The following USP12 variants were observed in gnomAD, a reference collection of about 807,000 sequenced individuals.
The protein encoded by USP12 is ubiquitin specific peptidase 12, also known as ubiquitin carboxyl-terminal hydrolase 12.
In USP12, 19 loss-of-function variants were observed where a neutral mutation model predicts 45.5. That is an observed-to-expected ratio of 0.42 (90% CI 0.29 to 0.61). The LOEUF (loss-of-function observed/expected upper bound fraction) is 0.61, where lower values mean the gene tolerates loss of function less well. Among genes scored for constraint, USP12 ranks in the 20% least tolerant of loss-of-function variants. The pLI is 0.22. For missense variants in USP12, 242 were observed against 447.7 expected (o/e 0.54, Z 4.15); for synonymous variants, 149 against 148.8 (o/e 1.00, Z -0.01).
At chr13:27,136,885 A>G (rs1363819939) in intron 1 of USP12, among the ~76,000 whole-genome samples, 2 of 152,224 alleles carry the variant, frequency 1.3e-5, no homozygotes, top group Admixed American at 6.5e-5. Flanking sequence ...TAGAGGGAGT[A>G]AAAAAGACAC....
intron 1 of USP12, chr13:27,169,965 AC>A: frequency 5.1e-6 from 1 of 194,206 alleles, no homozygotes; most frequent in Non-Finnish European, 1.0e-5. Flanking sequence ...ATGAACTATG[AC>A]CCATACAATG....
intron 1 of USP12, among the ~76,000 whole-genome samples, chr13:27,161,499 C>T (rs775965662): frequency 2.0e-5 from 3 of 151,972 alleles, no homozygotes; most frequent in Admixed American, 6.5e-5. Flanking sequence ...TAGACCAATA[C>T]TGTAGAAATA....
rs1399070079 is a variant in USP12, at chr13:27,143,084, TC to T, written c.49-26489del. 6.8e-5 allele frequency among the ~76,000 whole-genome samples: 8 copies of T among 118,084 alleles called. No individual in the cohort carries two copies. In the East Asian group the frequency reaches 1.4e-3, roughly 21 times the overall value. 77.5% of individuals were successfully genotyped at this position (118,084 alleles called of 152,430 possible). A position where few individuals can be genotyped will look rare whatever the true frequency, so the allele number is the denominator to read the frequency against. The stretch of plus-strand genomic sequence containing the variant: ...CTCTAGCCTGGCAACAGAGTGAGAC[TC>T]CGTCTCAAAAAAAGAAAAAAAAAAA... On this transcript the variant is annotated intron_variant, in intron 1 of 8. Coordinates refer to ENST00000282344, the MANE Select transcript of USP12 (RefSeq NM_182488.4).
Position 27,143,366 on chromosome 13 carries a change from T to C in USP12, c.49-26770A>G, listed in dbSNP as rs191804743. Among the ~76,000 whole-genome samples, 7 of 152,316 alleles carry C rather than the reference T, an allele frequency of 4.6e-5. No individual in the cohort carries two copies. The East Asian group carries it at 1.4e-3, about 29-fold the overall frequency. ...AAACTGGCAACTAAAGACTTCATTA[T>C]CTACTTTGTCTTTTCTGAAGAAACA... On this transcript the variant is annotated intron_variant, in intron 1 of 8. Transcript: ENST00000282344.
intron 1 of USP12, among the ~76,000 whole-genome samples, chr13:27,131,499 C>T (rs952979938): frequency 6.6e-6 from 1 of 152,132 alleles, no homozygotes; most frequent in African/African-American, 2.4e-5. Flanking sequence ...ATCATTTTAC[C>T]AAAGTGAGCA....
intron 3 of USP12, among the ~76,000 whole-genome samples, chr13:27,099,699 C>T (rs1418364506): frequency 4.0e-5 from 6 of 151,898 alleles, no homozygotes; most frequent in Middle Eastern, 3.4e-3. Flanking sequence ...TTTTTTTTCA[C>T]GTTCATTATT....
At chr13:27,116,428 A>AT in intron 2 of USP12, 88 bp downstream of exon 2, 1 of 1,212,346 alleles carries the variant, frequency 8.2e-7, no homozygotes, top group Non-Finnish European at 1.1e-6. Context: ...GAAAAGAACA[A>AT]TTTTCCTTTA....
chr13:27,129,960 T>C lies in USP12; in HGVS notation c.49-13364A>G, dbSNP rs1876417502. ...AGGGTTAGTCCTTCCACCAAAACCA[T>C]TAAGCTGAAAAATACATCAGAATCA... On this transcript the variant is annotated intron_variant, in intron 1 of 8. Transcript: ENST00000282344. This position sits in a 1 kb window ranked among gnomAD's most constrained non-coding sequence, Gnocchi z 4.0. 6.6e-6 allele frequency among the ~76,000 whole-genome samples: 1 copy of C among 152,080 alleles called. No individual in the cohort carries two copies. The highest frequency in any genetic ancestry group is 2.4e-5 in the African/African-American group (1 of 41,404).
intron 1 of USP12, among the ~76,000 whole-genome samples, chr13:27,137,846 TC>T (rs370646626): frequency 7.6e-4 from 116 of 152,280 alleles, no homozygotes; most frequent in African/African-American, 2.6e-3. Flanking sequence ...GCTCCCTGAC[TC>T]CCTCATTGGC....
intron 2 of USP12, among the ~76,000 whole-genome samples, chr13:27,113,261 CAAAAACAAAA>C (rs961816224): frequency 2.6e-5 from 4 of 151,994 alleles, no homozygotes; most frequent in African/African-American, 9.6e-5. Flanking sequence ...TTTCTCAAAA[CAAAAACAAAA>C]ACAAACAAAC....
chr13:27,086,174 TAAAAAAAAAAAAA>T (rs138475761), intron 6 of USP12, among the ~76,000 whole-genome samples: 60 of 72,348 alleles, frequency 8.3e-4, no homozygotes, highest in African/African-American at 3.1e-3. Context: ...TTTGTCTCTT[TAAAAAAAAAAAAA>T]AAAAAAAAAA....
chr13:27,095,620 C>T lies in USP12; in HGVS notation c.554G>A (p.Arg185Lys). 6.2e-7 allele frequency: 1 copy of T among 1,604,784 alleles called. No individual in the cohort carries two copies. The highest frequency in any genetic ancestry group is 8.5e-7 in the Non-Finnish European group (1 of 1,176,882). ...IFQGTLTNETRCLTCETISSK... is the reference protein window; with the variant it reads ...IFQGTLTNETKCLTCETISSK... ...ACTTACAGTTTCACAAGTAAGACAT[C>T]TGGTTTCATTAGTTAATGTTCCCTG... The change falls in exon 4 of 9, where the codon AGA becomes AAA. Residue 185 changes from arginine (R) to lysine (K), a missense_variant. Around this residue, in one of 5 missense-constraint regions of USP12, gnomAD observed 12 missense variants for 71.0 expected, o/e 0.17. Transcript: ENST00000282344.
At chr13:27,145,091 CA>C (rs1414510273) in intron 1 of USP12, among the ~76,000 whole-genome samples, 2 of 152,110 alleles carry the variant, frequency 1.3e-5, no homozygotes, top group Admixed American at 6.6e-5. Flanking sequence ...GGGACTTGAA[CA>C]CAAGTCTTGG....
intron 1 of USP12, among the ~76,000 whole-genome samples, chr13:27,121,727 G>A (rs1011015432): frequency 2.6e-5 from 4 of 152,146 alleles, no homozygotes; most frequent in East Asian, 3.9e-4. Flanking sequence ...TGGGCATGGT[G>A]GCAGGCACCT....
intron 1 of USP12, among the ~76,000 whole-genome samples, chr13:27,168,279 C>T (rs1166276966): frequency 6.6e-6 from 1 of 152,204 alleles, no homozygotes; most frequent in East Asian, 1.9e-4. Flanking sequence ...TGGTCCCCCT[C>T]CCAACAACGC....
chr13:27,101,381 T>C (rs1192178206), intron 3 of USP12, among the ~76,000 whole-genome samples: 3 of 152,244 alleles, frequency 2.0e-5, no homozygotes, highest in African/African-American at 4.8e-5. Flanking sequence ...GCTTTCTTCT[T>C]TGCTAAGTAG....
At chr13:27,122,352 C>T (rs1248399312) in intron 1 of USP12, among the ~76,000 whole-genome samples, 1 of 152,152 alleles carries the variant, frequency 6.6e-6, no homozygotes, top group Non-Finnish European at 1.5e-5. Context: ...TAAGAAGTGC[C>T]TTTCACCTCC....
Position 27,093,133 on chromosome 13 carries a change from T to C in USP12, c.573+2468A>G, listed in dbSNP as rs557903329. ...ACCACTTGAACCCAGGAGGCAGAGG[T>C]TGCGGTGAGCCACTGCGCTCCAGCC... On this transcript the variant is annotated intron_variant, in intron 4 of 8. Coordinates refer to ENST00000282344, the MANE Select transcript of USP12 (RefSeq NM_182488.4). 4.0e-5 allele frequency among the ~76,000 whole-genome samples: 6 copies of C among 151,642 alleles called. No homozygotes were observed. In the South Asian group the frequency reaches 1.3e-3, roughly 32 times the overall value.
intron 3 of USP12, among the ~76,000 whole-genome samples, chr13:27,097,540 A>T (rs9507841): frequency 6.6e-6 from 1 of 152,042 alleles, no homozygotes; most frequent in Non-Finnish European, 1.5e-5. Flanking sequence ...GAATGAGTGA[A>T]GCTTTTTATG....
Sources: gnomAD v4.1 joint callset for allele counts (sites outside exome capture counted in the v4.1 genomes callset) on GRCh38, gnomAD v4.1.1 for gene constraint, gnomAD v4.1.1 regional missense constraint, Gnocchi (gnomAD v3.1) non-coding constraint, MANE v1.5 for transcripts, NCBI Gene and HGNC (gene_info 2026-07-23, HGNC 2026-07-21) for gene names.